SRBD1: variants seen among roughly 807,000 people sequenced by gnomAD.
SRBD1 encodes S1 RNA binding domain 1.
In SRBD1, 88 loss-of-function variants were observed where a neutral mutation model predicts 115.3. The observed-to-expected ratio is 0.76, with a 90% CI of 0.64 to 0.91. The LOEUF (loss-of-function observed/expected upper bound fraction) is 0.91, where lower values mean the gene tolerates loss of function less well. Among genes scored for constraint, SRBD1 ranks in the 40% least tolerant of loss-of-function variants. The pLI is 0.00. For missense variants in SRBD1, 1,385 were observed against 1,177.4 expected (o/e 1.18, Z -2.58); for synonymous variants, 509 against 407.7 (o/e 1.25, Z -2.99).
chr2:45,435,561 A>G (rs4952764), intron 16 of SRBD1, among the ~76,000 whole-genome samples: 28,547 of 109,170 alleles, frequency 0.26, 2,740 homozygotes, highest in Admixed American at 0.31. Context: ...AGGCCAGGGG[A>G]AAAAAAAAAA....
chr2:45,501,518 G>A (rs891941014), intron 14 of SRBD1, among the ~76,000 whole-genome samples: 13 of 152,194 alleles, frequency 8.5e-5, no homozygotes, highest in African/African-American at 2.7e-4. Flanking sequence ...AGCGCAAGGA[G>A]TCAAGGAATT....
At chr2:45,463,311 C>A (rs1344071389) in intron 16 of SRBD1, among the ~76,000 whole-genome samples, 2 of 152,160 alleles carry the variant, frequency 1.3e-5, no homozygotes, top group Non-Finnish European at 2.9e-5. Context: ...TTAATGCATA[C>A]TGTCCCTATA....
chr2:45,496,119 C>T (rs1281240193), intron 14 of SRBD1, among the ~76,000 whole-genome samples: 3 of 152,150 alleles, frequency 2.0e-5, no homozygotes, highest in Non-Finnish European at 2.9e-5. Flanking sequence ...GTTTGCTTAA[C>T]AAAGGGAAAA....
chr2:45,493,090 A>G (rs1291437139), intron 14 of SRBD1, among the ~76,000 whole-genome samples: 1 of 152,186 alleles, frequency 6.6e-6, no homozygotes, highest in Non-Finnish European at 1.5e-5. Context: ...TCTGCCTATC[A>G]AAAATGAAGG....
intron 12 of SRBD1, 73 bp downstream of exon 12, chr2:45,551,052 C>G: frequency 6.7e-7 from 1 of 1,498,452 alleles, no homozygotes. Context: ...TTTCCAAATC[C>G]TCATGAAATG....
intron 14 of SRBD1, among the ~76,000 whole-genome samples, chr2:45,538,311 T>C (rs1259395713): frequency 6.6e-6 from 1 of 152,198 alleles, no homozygotes; most frequent in Non-Finnish European, 1.5e-5. Context: ...CCTAAGACCA[T>C]GCTCTTTTTT....
At chr2:45,561,821 C>G (rs1173433249) in intron 10 of SRBD1, among the ~76,000 whole-genome samples, 7 of 152,194 alleles carry the variant, frequency 4.6e-5, no homozygotes, top group Admixed American at 2.6e-4. Context: ...TAAGCTTAGA[C>G]ATTTCCTTAA....
intron 19 of SRBD1, among the ~76,000 whole-genome samples, chr2:45,407,417 T>C (rs183030905): frequency 1.3e-5 from 2 of 152,302 alleles, no homozygotes; most frequent in African/African-American, 2.4e-5. Flanking sequence ...GAGTTCTTTT[T>C]CCTGGGAACA....
intron 19 of SRBD1, among the ~76,000 whole-genome samples, chr2:45,406,639 T>C (rs1467872443): frequency 3.3e-5 from 5 of 152,136 alleles, no homozygotes; most frequent in African/African-American, 1.2e-4. Flanking sequence ...AAAAACATGA[T>C]GGAAGGGAAT....
chr2:45,520,176 A>C (rs1464782303), intron 14 of SRBD1, among the ~76,000 whole-genome samples: 1 of 152,244 alleles, frequency 6.6e-6, no homozygotes, highest in Non-Finnish European at 1.5e-5. Flanking sequence ...AGCTGTCAGC[A>C]TGAGCAGCAC....
chr2:45,467,569 GA>G (rs377609454), intron 16 of SRBD1, among the ~76,000 whole-genome samples: 3 of 152,014 alleles, frequency 2.0e-5, no homozygotes, highest in Non-Finnish European at 4.4e-5. Flanking sequence ...GACCATGGGG[GA>G]AAAATAATTA....
chr2:45,467,993 T>C (rs1244207424), intron 16 of SRBD1, among the ~76,000 whole-genome samples: 1 of 152,106 alleles, frequency 6.6e-6, no homozygotes, highest in Non-Finnish European at 1.5e-5. Flanking sequence ...CACCAACCAG[T>C]TTAAGAAATA....
intron 14 of SRBD1, among the ~76,000 whole-genome samples, chr2:45,506,434 G>A (rs962864768): frequency 2.6e-5 from 4 of 152,118 alleles, no homozygotes; most frequent in Non-Finnish European, 5.9e-5. Context: ...AAAGGCCTTT[G>A]GAAGTATCTA....
intron 19 of SRBD1, among the ~76,000 whole-genome samples, chr2:45,404,725 G>A (rs957352358): frequency 1.3e-5 from 2 of 152,032 alleles, no homozygotes; most frequent in Non-Finnish European, 1.5e-5. Flanking sequence ...AGCAGACAAG[G>A]GGATCCTTTT....
intron 18 of SRBD1, among the ~76,000 whole-genome samples, chr2:45,418,061 G>C (rs998365424): frequency 6.6e-6 from 1 of 152,174 alleles, no homozygotes; most frequent in Non-Finnish European, 1.5e-5. Context: ...ACTCTCCTAA[G>C]ACAGTGTCAC....
intron 16 of SRBD1, among the ~76,000 whole-genome samples, chr2:45,439,809 A>G (rs972945358): frequency 1.7e-4 from 26 of 152,002 alleles, no homozygotes; most frequent in African/African-American, 6.3e-4. Flanking sequence ...AAAAAGAACC[A>G]TAAGTAAAAA....
At chr2:45,556,067 C>A (rs1672466017) in intron 10 of SRBD1, among the ~76,000 whole-genome samples, 1 of 152,154 alleles carries the variant, frequency 6.6e-6, no homozygotes, top group South Asian at 2.1e-4. Context: ...ATGTTTTATT[C>A]CAAAGATTAC....
chr2:45,446,160 C>T (rs540530197), intron 16 of SRBD1, among the ~76,000 whole-genome samples: 3 of 152,274 alleles, frequency 2.0e-5, no homozygotes, highest in South Asian at 2.1e-4. Context: ...CTCCTAAGAA[C>T]GAATTGACAT....
At chr2:45,416,961 TA>T (rs1277866825) in intron 18 of SRBD1, among the ~76,000 whole-genome samples, 1 of 152,184 alleles carries the variant, frequency 6.6e-6, no homozygotes, top group African/African-American at 2.4e-5. Flanking sequence ...GTATTTTTAG[TA>T]GAGACGGGGT....
Sources: gnomAD v4.1 joint callset for allele counts (sites outside exome capture counted in the v4.1 genomes callset) on GRCh38, gnomAD v4.1.1 for gene constraint, MANE v1.5 for transcripts, NCBI Gene and HGNC (gene_info 2026-07-23, HGNC 2026-07-21) for gene names.